MROH2A: variants seen among roughly 807,000 people sequenced by gnomAD.
The protein encoded by MROH2A is maestro heat-like repeat-containing protein family member 2A.
A neutral mutation model predicts 200.4 loss-of-function variants in MROH2A; 174 were observed. That is an observed-to-expected ratio of 0.87 (90% confidence interval 0.77 to 0.98). The LOEUF is 0.98. MROH2A is among the 50% of genes least tolerant of loss of function. MROH2A has a pLI of 0.00. For missense variants in MROH2A, 2,045 were observed against 2,139.6 expected (o/e 0.96, Z 0.87); for synonymous variants, 829 against 840.4 (o/e 0.99, Z 0.23).
intron 11 of MROH2A, among the ~76,000 whole-genome samples, chr2:233,798,412 C>T (rs1259999194): frequency 9.2e-5 from 14 of 152,234 alleles, no homozygotes; most frequent in Non-Finnish European, 4.4e-5. Flanking sequence ...TGTCAGGACC[C>T]ATGCTCTTCA....
At chr2:233,794,578 G>C (rs1701986196) in intron 8 of MROH2A, 72 bp downstream of exon 8, 2 of 780,606 alleles carry the variant, frequency 2.6e-6, no homozygotes, top group African/African-American at 3.5e-5. Context: ...GTTTAAAGGG[G>C]ATGAGTGGGA....
At position 233,791,643 on chromosome 2, in the gene MROH2A, C is replaced by G. The variant is rs28900423; in HGVS notation, c.572-1153C>G. Among the ~76,000 whole-genome samples the G allele has an allele frequency of 5.5e-3, 838 of 152,198 alleles. 9 individuals are homozygous for G. Among genetic ancestry groups the G allele is most frequent in the African/African-American group, 0.019 (795 of 41,536 alleles). On this transcript the variant is annotated intron_variant, in intron 5 of 41. Transcript: ENST00000389758. ...GAGTGAAAGTAGAGAGAGGACCCAG[C>G]CCGGAGGGGTCCTGGCATTGGCAAG...
Position 233,793,668 on chromosome 2 carries a change from G to T in MROH2A, c.671-5G>T. 7.2e-7 allele frequency: 1 copy of T among 1,381,166 alleles called. No individual in the cohort carries two copies. The highest frequency in any genetic ancestry group is 1.5e-5 in the African/African-American group (1 of 66,656). The allele number at this position is 1,381,166 out of a possible 1,614,324, so 85.6% of individuals were successfully genotyped here. A position where few individuals can be genotyped will look rare whatever the true frequency, so the allele number is the denominator to read the frequency against. ...CCAAGTGCATTCCCCTGTTGCTGTT[G>T]GTAGCCATGGAGACCTTCTGTGAGA... is the stretch of plus-strand genomic sequence containing the variant. On this transcript the variant is annotated splice_region_variant and splice_polypyrimidine_tract_variant and intron_variant, in intron 6 of 41. Transcript: ENST00000389758.
chr2:233,805,532 C>CT (rs1316304458), intron 19 of MROH2A, among the ~76,000 whole-genome samples: 3 of 151,888 alleles, frequency 2.0e-5, no homozygotes, highest in Non-Finnish European at 4.4e-5. Context: ...CAAGCTAGTT[C>CT]TTTTTTTTGA....
intron 28 of MROH2A, 142 bp downstream of exon 28, chr2:233,818,267 A>T: frequency 2.8e-6 from 3 of 1,062,118 alleles, no homozygotes; most frequent in Non-Finnish European, 4.0e-6. Context: ...TGACCATCAG[A>T]GGGAGCAGTG....
Position 233,819,953 on chromosome 2 carries a change from C to A in MROH2A, c.3409C>A (p.Pro1137Thr). 6.5e-7 allele frequency: 1 copy of A among 1,544,646 alleles called. No individual in the cohort carries two copies. The highest frequency in any genetic ancestry group is 8.8e-7 in the Non-Finnish European group (1 of 1,142,694). Reference sequence around the variant, plus strand: ...GGTGCACCTGCCGGTGGTGGACCACCCAGAGGTGCGGCGCCTTCTCATTGA... The same window carrying A: ...GGTGCACCTGCCGGTGGTGGACCACACAGAGGTGCGGCGCCTTCTCATTGA... ...ILVHLPVVDH[P>T]EVRRLLIDGI... The change falls in exon 31 of 42, where the codon CCA (proline) becomes ACA (threonine). Residue 1137 changes from proline to threonine, a missense_variant. By Grantham distance (38) the Pro-to-Thr change is conservative. Around this residue, in one of 3 missense-constraint regions of MROH2A, gnomAD observed 1,201 missense variants for 1,311.3 expected, o/e 0.92. Coordinates refer to ENST00000389758, the MANE Select transcript of MROH2A (RefSeq NM_001394639.1).
chr2:233,833,381 G>T lies in MROH2A; in HGVS notation c.*122G>T, dbSNP rs140237273. 2.5e-4 allele frequency: 274 copies of T among 1,109,404 alleles called. No homozygotes were observed. The highest frequency in any genetic ancestry group is 7.8e-4 in the Admixed American group (22 of 28,104). 68.7% of individuals were successfully genotyped at this position (1,109,404 alleles called of 1,614,324 possible). A position where few individuals can be genotyped will look rare whatever the true frequency, so the allele number is the denominator to read the frequency against. ...ATTGTAAAATAACTAGTATCCTTTT[G>T]TTTCCTTCCGTTGAAATAAACCTCC... On this transcript the variant is annotated 3_prime_UTR_variant, in exon 42 of 42. Transcript: ENST00000389758.
At chr2:233,823,047 G>A (rs1704055197) in intron 34 of MROH2A, 29 bp downstream of exon 34, 1 of 1,548,530 alleles carries the variant, frequency 6.5e-7, no homozygotes, top group African/African-American at 1.4e-5. Flanking sequence ...AGGGTGGCAG[G>A]GGGACCTGCA....
intron 11 of MROH2A, among the ~76,000 whole-genome samples, chr2:233,798,396 G>T (rs986880301): frequency 6.6e-6 from 1 of 152,184 alleles, no homozygotes; most frequent in African/African-American, 2.4e-5. Context: ...CCCAGGGAAG[G>T]CCTGGTGTCA....
At chr2:233,800,115 G>A (rs1055254591) in intron 13 of MROH2A, 90 bp from the exon 14 acceptor site, 1 of 1,093,774 alleles carries the variant, frequency 9.1e-7, no homozygotes, top group African/African-American at 1.6e-5. Context: ...ATCTGGGCAT[G>A]GAGCCCCTGG....
intron 37 of MROH2A, 136 bp downstream of exon 37, chr2:233,829,208 C>T (rs1233202956): frequency 9.7e-6 from 8 of 822,044 alleles, no homozygotes; most frequent in East Asian, 2.8e-5. Flanking sequence ...TGGCTGATCA[C>T]GGGATCTTGT....
chr2:233,776,378 C>T (rs56133230), upstream of MROH2A, among the ~76,000 whole-genome samples: 36,750 of 133,058 alleles, frequency 0.28, 5,797 homozygotes, highest in East Asian at 0.57. Context: ...TTTTTTGAGA[C>T]GGAGTCTCAC....
chr2:233,780,351 C>A (rs1358212031), intron 3 of MROH2A, among the ~76,000 whole-genome samples: 1 of 152,146 alleles, frequency 6.6e-6, no homozygotes, highest in African/African-American at 2.4e-5. Context: ...CCTTGCTGGG[C>A]ACCACCCCCA....
Position 233,814,621 on chromosome 2 carries a change from A to T in MROH2A, c.2800A>T (p.Met934Leu). ...TGCCCTGAGCTCCCTGGAGCAGCTGATGGAGAGCCTCCTGCAGAGGCAGCT... is the reference window on the plus strand; with the variant it reads ...TGCCCTGAGCTCCCTGGAGCAGCTGTTGGAGAGCCTCCTGCAGAGGCAGCT... Reference protein sequence around the residue: ...ANALSSLEQLMESLLQRQLDP... With the variant: ...ANALSSLEQLLESLLQRQLDP... The change falls in exon 26 of 42, where the codon ATG becomes TTG. Residue 934 changes from methionine to leucine, a missense_variant. This residue lies in a region of MROH2A where 1,201 missense variants were observed against 1,311.3 expected (regional missense o/e 0.92). Transcript: ENST00000389758. The T allele has an allele frequency of 6.5e-7, 1 of 1,550,382 alleles. No homozygotes were observed. Among genetic ancestry groups the T allele is most frequent in the Non-Finnish European group, 8.7e-7 (1 of 1,146,918 alleles).
At chr2:233,832,778 G>C (rs540198635) in intron 41 of MROH2A, 134 bp downstream of exon 41, 1 of 672,004 alleles carries the variant, frequency 1.5e-6, no homozygotes, top group Non-Finnish European at 2.6e-6. Context: ...GTGCAACCAG[G>C]GCAGAGAGAT....
chr2:233,783,543 G>GTATT (rs35025179), intron 3 of MROH2A, among the ~76,000 whole-genome samples: 23,505 of 151,648 alleles, frequency 0.15, 1,902 homozygotes, highest in South Asian at 0.21. Flanking sequence ...ATAATTCTTT[G>GTATT]TATTTATTTA....
chr2:233,822,719 G>A, intron 33 of MROH2A, 162 bp from the exon 34 acceptor site: 1 of 1,139,112 alleles, frequency 8.8e-7, no homozygotes, highest in Admixed American at 2.3e-5. Context: ...AGCACGGTGT[G>A]GTTTTCAGAG....
chr2:233,790,132 T>G, intron 5 of MROH2A, 118 bp downstream of exon 5: 1 of 1,038,132 alleles, frequency 9.6e-7, no homozygotes, highest in Non-Finnish European at 1.3e-6. Flanking sequence ...TTCTCTCTTT[T>G]TCCCTCTAAA....
chr2:233,786,441 A>G (rs17868346), intron 3 of MROH2A, among the ~76,000 whole-genome samples: 19,069 of 152,202 alleles, frequency 0.13, 1,606 homozygotes, highest in Non-Finnish European at 0.19. Context: ...TGCTTCTTTT[A>G]TAAGGGCACC....
Sources: gnomAD v4.1 joint callset for allele counts (sites outside exome capture counted in the v4.1 genomes callset) on GRCh38, gnomAD v4.1.1 for gene constraint, gnomAD v4.1.1 regional missense constraint, MANE v1.5 for transcripts, NCBI Gene and HGNC (gene_info 2026-07-23, HGNC 2026-07-21) for gene names.